The following VPS13B variants were observed in gnomAD, a reference collection of about 807,000 sequenced individuals.
VPS13B encodes the protein intermembrane lipid transfer protein VPS13B.
VPS13B carries 285 observed loss-of-function variants against 426.4 expected under a neutral mutation model. That is an observed-to-expected ratio of 0.67 (90% CI 0.61 to 0.74). The LOEUF is 0.74. Ranked by LOEUF, VPS13B falls within the 30% of genes least tolerant of loss-of-function variation. The pLI, the probability that VPS13B is intolerant of heterozygous loss-of-function variation, is 0.00. For synonymous variants in VPS13B, 1,676 were observed against 1,676.4 expected (o/e 1.00, Z 0.01); for missense variants, 4,537 against 4,782.6 (o/e 0.95, Z 1.51).
intron 3 of VPS13B, among the ~76,000 whole-genome samples, chr8:99,045,218 A>AT (rs1656353017): frequency 6.6e-6 from 1 of 152,104 alleles, no homozygotes; most frequent in Admixed American, 6.5e-5. Flanking sequence ...AATATCTATT[A>AT]TTTTTTGATG....
At chr8:99,449,706 A>G (rs2133457190) in intron 23 of VPS13B, among the ~76,000 whole-genome samples, 1 of 152,330 alleles carries the variant, frequency 6.6e-6, no homozygotes, top group African/African-American at 2.4e-5. Flanking sequence ...TGTATAAATG[A>G]TTAGATCATT....
At chr8:99,196,813 T>G (rs569913042) in intron 17 of VPS13B, among the ~76,000 whole-genome samples, 1 of 152,172 alleles carries the variant, frequency 6.6e-6, no homozygotes, top group Non-Finnish European at 1.5e-5. Flanking sequence ...TTACAATGCC[T>G]TTTCTTTCTT....
At chr8:99,525,908 A>C (rs1588463040) in intron 30 of VPS13B, among the ~76,000 whole-genome samples, 2 of 152,190 alleles carry the variant, frequency 1.3e-5, no homozygotes, top group Admixed American at 1.3e-4. Context: ...TGGTGGCTGG[A>C]GCATTGGGTG....
At chr8:99,038,665 T>C (rs939533074) in intron 3 of VPS13B, 99 bp downstream of exon 3, 25 of 810,600 alleles carry the variant, frequency 3.1e-5, no homozygotes, top group Middle Eastern at 3.9e-4. Context: ...CATAAACATA[T>C]CTTAGCTTAT....
intron 33 of VPS13B, among the ~76,000 whole-genome samples, chr8:99,612,925 T>A (rs1339496011): frequency 6.6e-6 from 1 of 152,174 alleles, no homozygotes; most frequent in Non-Finnish European, 1.5e-5. Flanking sequence ...TATTTCTATC[T>A]CTCTTTCTAA....
rs1389737257 is a variant in VPS13B, at chr8:99,876,967, T to TCCAGCCTCCC, written c.*1302_*1311dup. ...ACTGCCTGGGCTCAAGTGATCTTAC[T>TCCAGCCTCCC]CCAGCCTCCCAAGCAGCTGGGACTA... On this transcript the variant is annotated 3_prime_UTR_variant, in exon 62 of 62. Coordinates refer to ENST00000357162, the MANE Select transcript of VPS13B (RefSeq NM_152564.5). 1.3e-5 allele frequency: 2 copies of TCCAGCCTCCC among 152,244 alleles called. No homozygotes were observed. Among genetic ancestry groups the TCCAGCCTCCC allele is most frequent in the Non-Finnish European group, 2.9e-5 (2 of 68,084 alleles). The allele number at this position is 152,244 out of a possible 1,614,324, so 9.4% of individuals were successfully genotyped here.
At chr8:99,166,337 C>T (rs1240455207) in intron 15 of VPS13B, among the ~76,000 whole-genome samples, 1 of 152,148 alleles carries the variant, frequency 6.6e-6, no homozygotes, top group Non-Finnish European at 1.5e-5. Context: ...GGAGGGACAA[C>T]ATTTCACCTA....
Position 99,809,411 on chromosome 8 carries a change from C to T in VPS13B, c.7978C>T (p.Arg2660Cys), listed in dbSNP as rs751473469. The T allele has an allele frequency of 5.6e-6, 9 of 1,613,758 alleles. No individual in the cohort carries two copies. The highest frequency in any genetic ancestry group is 1.7e-5 in the Admixed American group (1 of 59,982). Residue 2660 changes from arginine (R) to cysteine (C), a missense_variant, in exon 44 of 62, where the codon CGT becomes TGT. By Grantham distance (180) the Arg-to-Cys change is radical. This residue lies in a region of VPS13B where 4,311 missense variants were observed against 4,474.3 expected (regional missense o/e 0.96). Coordinates refer to ENST00000357162, the MANE Select transcript of VPS13B (RefSeq NM_152564.5). ...CTGTATTGAAGGTTGGGGCAACTGGCGTTGGTCAGAGCCTTTCAGTGTGGA... is the reference window on the plus strand; with the variant it reads ...CTGTATTGAAGGTTGGGGCAACTGGTGTTGGTCAGAGCCTTTCAGTGTGGA... ...HICIEGWGNW[R>C]WSEPFSVDHA...
At chr8:99,798,911 G>A (rs866972317) in intron 43 of VPS13B, 23 of 152,182 alleles carry the variant, frequency 1.5e-4, no homozygotes, top group Non-Finnish European at 2.8e-4. Context: ...ATTAAAGCAT[G>A]GTATTTTGCC....
intron 23 of VPS13B, among the ~76,000 whole-genome samples, chr8:99,445,898 A>G (rs1298769793): frequency 1.3e-5 from 2 of 152,240 alleles, no homozygotes; most frequent in African/African-American, 4.8e-5. Flanking sequence ...CTTTCTCAAC[A>G]AAGTGCCAGA....
intron 55 of VPS13B, among the ~76,000 whole-genome samples, chr8:99,849,396 A>T (rs1040269948): frequency 6.6e-6 from 1 of 152,232 alleles, no homozygotes; most frequent in Non-Finnish European, 1.5e-5. Flanking sequence ...TAATATAAAG[A>T]TGGCCTTACA....
intron 43 of VPS13B, among the ~76,000 whole-genome samples, chr8:99,792,813 A>G (rs1046276561): frequency 3.3e-5 from 5 of 152,182 alleles, no homozygotes; most frequent in African/African-American, 1.2e-4. Context: ...AACGCAGCTA[A>G]GCTATACATG....
At chr8:99,020,782 C>A (rs1394105129) in intron 2 of VPS13B, among the ~76,000 whole-genome samples, 1 of 152,168 alleles carries the variant, frequency 6.6e-6, no homozygotes, top group Non-Finnish European at 1.5e-5. Context: ...GGCTCTCAAT[C>A]CTATTCCATT....
Position 99,212,012 on chromosome 8 carries a change from C to G in VPS13B, c.2515+18955C>G, listed in dbSNP as rs570488733. Reference sequence around the variant, plus strand: ...GGTTCATGCGATTCTCCTGCCTCAGCCTCCTGAGTAGCTGGGATTACAGGC... The same window carrying G: ...GGTTCATGCGATTCTCCTGCCTCAGGCTCCTGAGTAGCTGGGATTACAGGC... On this transcript the variant is annotated intron_variant, in intron 17 of 61. Transcript: ENST00000357162. Among the ~76,000 whole-genome samples, 143 of 152,058 alleles carry G rather than the reference C, an allele frequency of 9.4e-4. 2 individuals are homozygous for G. The South Asian group carries it at 0.023, about 25-fold the overall frequency.
intron 44 of VPS13B, among the ~76,000 whole-genome samples, chr8:99,812,580 C>A (rs1588735813): frequency 6.6e-6 from 1 of 152,112 alleles, no homozygotes; most frequent in South Asian, 2.1e-4. Context: ...ATTTCTTATA[C>A]CCCTCTCATT....
intron 43 of VPS13B, among the ~76,000 whole-genome samples, chr8:99,795,521 C>T (rs1241041774): frequency 6.6e-6 from 1 of 152,164 alleles, no homozygotes; most frequent in African/African-American, 2.4e-5. Flanking sequence ...CTATTAGTCA[C>T]CTATTGCTGT....
At chr8:99,055,193 C>T (rs1843782496) in intron 3 of VPS13B, among the ~76,000 whole-genome samples, 1 of 151,980 alleles carries the variant, frequency 6.6e-6, no homozygotes, top group African/African-American at 2.4e-5. Context: ...CATGAGCCAG[C>T]ATGTTTGTCT....
intron 35 of VPS13B, 51 bp from the exon 36 acceptor site, chr8:99,699,474 G>T (rs771342240): frequency 6.3e-7 from 1 of 1,591,380 alleles, no homozygotes; most frequent in Admixed American, 1.7e-5. Flanking sequence ...GTAAAGGCTT[G>T]TATTCAGTAA....
intron 42 of VPS13B, among the ~76,000 whole-genome samples, chr8:99,781,804 T>C (rs896452519): frequency 6.6e-6 from 1 of 152,188 alleles, no homozygotes; most frequent in Non-Finnish European, 1.5e-5. Flanking sequence ...CAATTCATTA[T>C]GAAAACTGAA....
Sources: gnomAD v4.1 joint callset for allele counts (sites outside exome capture counted in the v4.1 genomes callset) on GRCh38, gnomAD v4.1.1 for gene constraint, gnomAD v4.1.1 regional missense constraint, MANE v1.5 for transcripts, NCBI Gene and HGNC (gene_info 2026-07-23, HGNC 2026-07-21) for gene names.